DLG2: variants seen among roughly 807,000 people sequenced by gnomAD.
DLG2 encodes disks large homolog 2.
A neutral mutation model predicts 132.5 loss-of-function variants in DLG2; 45 were observed. The ratio of observed to expected loss-of-function variants is 0.34; its 90% confidence interval spans 0.27 to 0.44. DLG2 has a LOEUF of 0.44. Ranked by LOEUF, DLG2 falls within the 20% of genes least tolerant of loss-of-function variation. The probability of loss-of-function intolerance (pLI) is 1.00; values close to 1 mark genes in which losing one functional copy is unlikely to be tolerated. For synonymous variants in DLG2, 424 were observed against 419.6 expected (o/e 1.01, Z -0.13); for missense variants, 1,045 against 1,196.9 (o/e 0.87, Z 1.87).
At chr11:85,321,568 G>A (rs2081069921) in intron 3 of DLG2, among the ~76,000 whole-genome samples, 1 of 152,016 alleles carries the variant, frequency 6.6e-6, no homozygotes, top group African/African-American at 2.4e-5. Context: ...GTGAGTCCTG[G>A]AACATTTCAA....
At chr11:84,960,039 A>G (rs1399267428) in intron 6 of DLG2, among the ~76,000 whole-genome samples, 1 of 152,192 alleles carries the variant, frequency 6.6e-6, no homozygotes, top group Non-Finnish European at 1.5e-5. Context: ...TTTGCAAGGT[A>G]TTTTGCACAT....
intron 19 of DLG2, among the ~76,000 whole-genome samples, chr11:83,582,215 C>G (rs1593716752): frequency 6.6e-6 from 1 of 152,164 alleles, no homozygotes. Flanking sequence ...CTTGGCCTCC[C>G]AAAGTGCTGG....
intron 6 of DLG2, among the ~76,000 whole-genome samples, chr11:84,906,239 G>GTT (rs113738126): frequency 2.3e-4 from 30 of 131,572 alleles, no homozygotes; most frequent in Admixed American, 3.8e-4. Flanking sequence ...TGGTTTTTTT[G>GTT]TTTTTTTTTT....
chr11:84,784,727 TA>T (rs962499277), intron 6 of DLG2, among the ~76,000 whole-genome samples: 6 of 151,264 alleles, frequency 4.0e-5, no homozygotes, highest in South Asian at 2.1e-4. Context: ...TTTTCCAATT[TA>T]AAAAAAAAGC....
intron 18 of DLG2, among the ~76,000 whole-genome samples, chr11:83,706,376 T>C (rs931826234): frequency 2.6e-5 from 4 of 152,108 alleles, no homozygotes; most frequent in African/African-American, 9.7e-5. Context: ...ATTCCTTTCA[T>C]AGGACATGTT....
In DLG2 at chr11:84,501,585, T is replaced by G. The variant is rs899626037; in HGVS notation, c.519+32985A>C. The stretch of plus-strand genomic sequence containing the variant: ...CCGTCTAAAAAAAAGAAGAAAAAAT[T>G]TATTACCCATTATGGAATTAGAATA... On this transcript the variant is annotated intron_variant, in intron 7 of 27. Transcript: ENST00000376104. 9.9e-5 allele frequency among the ~76,000 whole-genome samples: 15 copies of G among 152,110 alleles called. No individual in the cohort carries two copies. In the South Asian group the frequency reaches 1.9e-3, roughly 19 times the overall value.
At chr11:85,428,220 A>T (rs528875526) in intron 3 of DLG2, among the ~76,000 whole-genome samples, 39 of 152,320 alleles carry the variant, frequency 2.6e-4, no homozygotes, top group African/African-American at 9.1e-4. Flanking sequence ...CAGATCAATG[A>T]CACAGAAAGT....
chr11:83,500,390 C>T (rs890742117), intron 21 of DLG2, among the ~76,000 whole-genome samples: 6 of 152,092 alleles, frequency 3.9e-5, no homozygotes, highest in Admixed American at 3.9e-4. Flanking sequence ...AGTATTCCAG[C>T]ATGGATATGA....
chr11:85,165,117 C>T (rs1211771321), intron 4 of DLG2, among the ~76,000 whole-genome samples: 16 of 152,108 alleles, frequency 1.1e-4, no homozygotes, highest in Admixed American at 1.0e-3. Flanking sequence ...GTATAAGACA[C>T]ATTTACGAAG....
intron 17 of DLG2, among the ~76,000 whole-genome samples, chr11:83,826,088 A>AT (rs34828549): frequency 0.49 from 74,866 of 151,954 alleles, 18,844 homozygotes; most frequent in Middle Eastern, 0.64. Flanking sequence ...GCAGGACACC[A>AT]TTGAAAGGCT....
At chr11:84,840,369 G>C (rs923476907) in intron 6 of DLG2, among the ~76,000 whole-genome samples, 1 of 152,276 alleles carries the variant, frequency 6.6e-6, no homozygotes, top group South Asian at 2.1e-4. Context: ...TGGAGATATA[G>C]GAATGCTTTT....
intron 19 of DLG2, among the ~76,000 whole-genome samples, chr11:83,585,727 G>C (rs2153263398): frequency 6.6e-6 from 1 of 152,306 alleles, no homozygotes; most frequent in South Asian, 2.1e-4. Context: ...TTCTCAAAGA[G>C]AATTTCTAAG....
intron 6 of DLG2, among the ~76,000 whole-genome samples, chr11:84,878,247 A>G (rs1014186104): frequency 2.6e-5 from 4 of 152,218 alleles, no homozygotes; most frequent in Admixed American, 2.0e-4. Flanking sequence ...ATTCTACTAT[A>G]AAGACATATG....
In DLG2 at chr11:84,958,050, G is replaced by T. The variant is rs563101043; in HGVS notation, c.357+153611C>A. On this transcript the variant is annotated intron_variant, in intron 6 of 27. Transcript: ENST00000376104. Reference sequence around the variant, plus strand: ...GATACTAATACCATCCTTATTTCTGGGGTGTTATAAAAATAAATGAAAAAA... The same window carrying T: ...GATACTAATACCATCCTTATTTCTGTGGTGTTATAAAAATAAATGAAAAAA... Among the ~76,000 whole-genome samples the T allele has an allele frequency of 6.3e-4, 96 of 152,070 alleles. 1 individual carries two copies. Among genetic ancestry groups the T allele is most frequent in the African/African-American group, 2.3e-3 (95 of 41,456 alleles).
intron 18 of DLG2, among the ~76,000 whole-genome samples, chr11:83,668,361 C>T (rs1462269832): frequency 6.6e-6 from 1 of 152,136 alleles, no homozygotes; most frequent in African/African-American, 2.4e-5. Flanking sequence ...AGCTTAAGAA[C>T]AAAAAGCTAT....
chr11:84,038,129 A>T (rs907400548), intron 11 of DLG2, among the ~76,000 whole-genome samples: 1 of 151,952 alleles, frequency 6.6e-6, no homozygotes, highest in Non-Finnish European at 1.5e-5. Flanking sequence ...TCCCGGCTCC[A>T]CCTTCCACTA....
intron 6 of DLG2, among the ~76,000 whole-genome samples, chr11:84,836,175 G>A (rs143768164): frequency 2.0e-5 from 3 of 151,642 alleles, no homozygotes; most frequent in Admixed American, 6.6e-5. Context: ...GTAATTAATT[G>A]TACAATAGGG....
At chr11:85,353,042 G>C (rs1283182697) in intron 3 of DLG2, among the ~76,000 whole-genome samples, 1 of 152,132 alleles carries the variant, frequency 6.6e-6, no homozygotes. Flanking sequence ...CCATCAGAGT[G>C]AACAGGCAAC....
At chr11:84,342,959 G>A (rs1003752379) in intron 7 of DLG2, among the ~76,000 whole-genome samples, 3 of 152,098 alleles carry the variant, frequency 2.0e-5, no homozygotes, top group East Asian at 1.9e-4. Context: ...TACATGCAGC[G>A]TCCCAGGCAC....
Sources: gnomAD v4.1 joint callset for allele counts (sites outside exome capture counted in the v4.1 genomes callset) on GRCh38, gnomAD v4.1.1 for gene constraint, MANE v1.5 for transcripts, NCBI Gene and HGNC (gene_info 2026-07-23, HGNC 2026-07-21) for gene names.